PTPN4: variants seen among roughly 807,000 people sequenced by gnomAD.
The protein encoded by PTPN4 is tyrosine-protein phosphatase non-receptor type 4.
Under a neutral mutation model 135.5 loss-of-function variants are expected in PTPN4, and 49 were observed. That is an observed-to-expected ratio of 0.36 (90% CI 0.29 to 0.46). The LOEUF (loss-of-function observed/expected upper bound fraction) is 0.46. Ranked by LOEUF, PTPN4 falls within the 20% of genes least tolerant of loss-of-function variation. PTPN4 has a pLI of 1.00. For synonymous variants in PTPN4, 333 were observed against 369.9 expected (o/e 0.90, Z 1.14); for missense variants, 860 against 1,101.0 (o/e 0.78, Z 3.10).
chr2:119,963,830 G>A (rs1049694933), intron 24 of PTPN4, among the ~76,000 whole-genome samples: 5 of 152,086 alleles, frequency 3.3e-5, no homozygotes, highest in Admixed American at 6.6e-5. Context: ...GATAGGCTAC[G>A]TATGTTTATA....
At chr2:119,897,490 T>A (rs1678342056) in intron 9 of PTPN4, among the ~76,000 whole-genome samples, 1 of 152,182 alleles carries the variant, frequency 6.6e-6, no homozygotes, top group African/African-American at 2.4e-5. Context: ...ATACACAGAA[T>A]ATTTTGGTTC....
chr2:119,936,078 C>T (rs1678978241), intron 15 of PTPN4, among the ~76,000 whole-genome samples: 1 of 152,032 alleles, frequency 6.6e-6, no homozygotes, highest in East Asian at 1.9e-4. Context: ...TCTCGGCTCA[C>T]TGCAAGCTCT....
chr2:119,944,940 A>C, intron 15 of PTPN4, 141 bp from the exon 16 acceptor site: 2 of 606,210 alleles, frequency 3.3e-6, no homozygotes, highest in Non-Finnish European at 5.2e-6. Flanking sequence ...AGTTAGGAAA[A>C]TTTTCATTAA....
At chr2:119,910,719 C>G (rs114868618) in intron 10 of PTPN4, among the ~76,000 whole-genome samples, 2,630 of 152,244 alleles carry the variant, frequency 0.017, 47 homozygotes, top group South Asian at 0.04. Flanking sequence ...ATTTCCCCTG[C>G]TTGCACTTCT....
At chr2:119,923,023 A>G (rs1008091502) in intron 12 of PTPN4, among the ~76,000 whole-genome samples, 2 of 152,126 alleles carry the variant, frequency 1.3e-5, no homozygotes, top group African/African-American at 4.8e-5. Context: ...ATTCTTGGTA[A>G]CTTGTGTCTT....
intron 22 of PTPN4, among the ~76,000 whole-genome samples, chr2:119,959,712 A>G (rs1359499051): frequency 2.0e-5 from 3 of 152,234 alleles, no homozygotes; most frequent in Non-Finnish European, 4.4e-5. Flanking sequence ...CAAGTGCTCC[A>G]TAATCAATAT....
Position 119,900,616 on chromosome 2 carries a change from A to C in PTPN4, c.676-102A>C, listed in dbSNP as rs13423766. 2.9e-3 allele frequency: 1,828 copies of C among 638,100 alleles called. 20 individuals carry two copies. In the African/African-American group the frequency reaches 0.033, roughly 11 times the overall value. The allele number at this position is 638,100 out of a possible 1,614,324, so 39.5% of individuals were successfully genotyped here. ...ATTCGGTTCTTTGCAACCTTTGAAA[A>C]TGCAATGTTTAGTTTTAAAAATAGA... On this transcript the variant is annotated intron_variant, in intron 9 of 26. Coordinates refer to ENST00000263708, the MANE Select transcript of PTPN4 (RefSeq NM_002830.4).
intron 11 of PTPN4, among the ~76,000 whole-genome samples, chr2:119,919,016 G>A (rs1574404217): frequency 6.6e-6 from 1 of 152,122 alleles, no homozygotes; most frequent in African/African-American, 2.4e-5. Flanking sequence ...TCAAAAACAA[G>A]CATGACTATT....
chr2:119,856,157 A>T (rs1166185170), intron 2 of PTPN4, among the ~76,000 whole-genome samples: 3 of 152,128 alleles, frequency 2.0e-5, no homozygotes, highest in Non-Finnish European at 4.4e-5. Flanking sequence ...TATCACTCCC[A>T]TCGGGACTTT....
At chr2:119,770,911 G>A (rs1467777830) in intron 1 of PTPN4, among the ~76,000 whole-genome samples, 5 of 143,694 alleles carry the variant, frequency 3.5e-5, no homozygotes, top group South Asian at 4.3e-4. Context: ...ACGGAGTCTC[G>A]CTCTGTCGCT....
intron 12 of PTPN4, 82 bp from the exon 13 acceptor site, chr2:119,926,516 A>T: frequency 1.1e-6 from 1 of 907,406 alleles, no homozygotes; most frequent in Non-Finnish European, 1.6e-6. Context: ...TTAGGAAGTT[A>T]CACTATAATC....
chr2:119,842,890 G>C (rs1410016153), intron 2 of PTPN4, among the ~76,000 whole-genome samples: 1 of 152,040 alleles, frequency 6.6e-6, no homozygotes, highest in Non-Finnish European at 1.5e-5. Flanking sequence ...GCATGGATGT[G>C]TTACTTTTTA....
At chr2:119,774,495 A>C (rs572773710) in intron 1 of PTPN4, among the ~76,000 whole-genome samples, 1 of 152,322 alleles carries the variant, frequency 6.6e-6, no homozygotes, top group Admixed American at 6.5e-5. Flanking sequence ...TGCAGCTTTT[A>C]TATTAGTGCA....
intron 18 of PTPN4, among the ~76,000 whole-genome samples, chr2:119,947,803 ACTC>A (rs1207056196): frequency 4.7e-5 from 7 of 150,316 alleles, no homozygotes; most frequent in Admixed American, 2.0e-4. Context: ...TCAGATTGTG[ACTC>A]CTAAGTCTCC....
chr2:119,925,223 G>C (rs1678804559), intron 12 of PTPN4, among the ~76,000 whole-genome samples: 1 of 152,090 alleles, frequency 6.6e-6, no homozygotes, highest in Middle Eastern at 3.2e-3. Context: ...CCAGTTTCCT[G>C]CTCTGCCTTT....
intron 2 of PTPN4, among the ~76,000 whole-genome samples, chr2:119,854,291 C>T (rs1279960835): frequency 1.3e-5 from 2 of 152,156 alleles, no homozygotes; most frequent in Non-Finnish European, 2.9e-5. Context: ...TAATCACCAG[C>T]ATTTGCATAT....
At chr2:119,765,732 G>A (rs1690603014) in intron 1 of PTPN4, among the ~76,000 whole-genome samples, 1 of 152,230 alleles carries the variant, frequency 6.6e-6, no homozygotes, top group Non-Finnish European at 1.5e-5. Flanking sequence ...CTGGGGAAAA[G>A]AAGTGGCATT....
At chr2:119,924,478 AT>A (rs140070109) in intron 12 of PTPN4, among the ~76,000 whole-genome samples, 1 of 152,008 alleles carries the variant, frequency 6.6e-6, no homozygotes, top group East Asian at 1.9e-4. Context: ...GGTAAAAACA[AT>A]TTTTTTGTTC....
intron 1 of PTPN4, among the ~76,000 whole-genome samples, chr2:119,775,906 T>C (rs890239859): frequency 5.9e-5 from 9 of 152,040 alleles, no homozygotes; most frequent in Non-Finnish European, 8.8e-5. Flanking sequence ...TTGAAGAAAT[T>C]CAAGAGCTAA....
Sources: allele counts gnomAD v4.1 joint callset (sites outside exome capture counted in the v4.1 genomes callset), GRCh38; gene constraint gnomAD v4.1.1; transcripts MANE v1.5; gene names NCBI Gene and HGNC (gene_info 2026-07-23, HGNC 2026-07-21).